TENM3: variants seen among roughly 807,000 people sequenced by gnomAD.
The protein encoded by TENM3 is teneurin transmembrane protein 3.
A neutral mutation model predicts 255.1 loss-of-function variants in TENM3; 63 were observed. The ratio of observed to expected loss-of-function variants is 0.25; its 90% CI spans 0.20 to 0.30. The LOEUF (loss-of-function observed/expected upper bound fraction) is 0.30, where lower values mean the gene tolerates loss of function less well. Ranked by LOEUF, TENM3 falls within the 10% of genes least tolerant of loss-of-function variation. The pLI is 1.00. For synonymous variants in TENM3, 1,306 were observed against 1,322.3 expected (o/e 0.99, Z 0.27); for missense variants, 2,929 against 3,461.1 (o/e 0.85, Z 3.86).
chr4:181,884,154 C>G, the TENM3 span, among the ~76,000 whole-genome samples: 2 of 152,126 alleles, frequency 1.3e-5, no homozygotes, highest in African/African-American at 4.8e-5. Flanking sequence ...ATGAAACTTT[C>G]TATCCCAGAA....
chr4:181,915,175 AG>A, the TENM3 span, among the ~76,000 whole-genome samples: 1 of 152,162 alleles, frequency 6.6e-6, no homozygotes, highest in Non-Finnish European at 1.5e-5. Context: ...CTGGGTTACT[AG>A]ATAAGTGAAG....
intron 1 of TENM3, among the ~76,000 whole-genome samples, chr4:182,320,202 A>G (rs1426754777): frequency 6.6e-6 from 1 of 152,156 alleles, no homozygotes; most frequent in Non-Finnish European, 1.5e-5. Flanking sequence ...GATAGCAAAT[A>G]GTTTAGACTT....
At chr4:182,539,735 A>G (rs1335970773) in intron 3 of TENM3, among the ~76,000 whole-genome samples, 1 of 152,228 alleles carries the variant, frequency 6.6e-6, no homozygotes, top group East Asian at 1.9e-4. Flanking sequence ...TCTATGTGTC[A>G]TGCACTGTTC....
At chr4:181,913,159 G>A in the TENM3 span, among the ~76,000 whole-genome samples, 14 of 152,108 alleles carry the variant, frequency 9.2e-5, no homozygotes, top group African/African-American at 3.1e-4. Context: ...GAACCAATGC[G>A]GGAATGAAAT....
chr4:182,346,175 C>G (rs1764794869), intron 2 of TENM3, among the ~76,000 whole-genome samples: 2 of 152,124 alleles, frequency 1.3e-5, no homozygotes, highest in Admixed American at 1.3e-4. Context: ...GACCAAGCTC[C>G]TGTTTCTACT....
chr4:182,659,434 A>G (rs1276497896), intron 6 of TENM3, among the ~76,000 whole-genome samples: 2 of 152,190 alleles, frequency 1.3e-5, no homozygotes, highest in Non-Finnish European at 2.9e-5. Context: ...GCATGGATGT[A>G]TAGGAAAAAA....
chr4:181,594,926 A>G, the TENM3 span, among the ~76,000 whole-genome samples: 2,872 of 152,198 alleles, frequency 0.019, 107 homozygotes, highest in African/African-American at 0.066. Flanking sequence ...GTACATGGCA[A>G]AATTTGATTC....
At chr4:181,606,327 C>T in the TENM3 span, among the ~76,000 whole-genome samples, 2 of 152,130 alleles carry the variant, frequency 1.3e-5, no homozygotes. Context: ...CCAACCAACC[C>T]AGCTTGCAAC....
intron 3 of TENM3, among the ~76,000 whole-genome samples, chr4:182,551,880 G>A (rs1742067326): frequency 6.6e-6 from 1 of 151,946 alleles, no homozygotes; most frequent in Non-Finnish European, 1.5e-5. Context: ...AGCCAGGCGT[G>A]GTAGTGCATG....
chr4:182,477,050 C>T (rs1178288348), intron 3 of TENM3, among the ~76,000 whole-genome samples: 1 of 152,164 alleles, frequency 6.6e-6, no homozygotes, highest in Admixed American at 6.5e-5. Context: ...ATTTTTACTT[C>T]AAATATTTAT....
At chr4:182,482,280 G>A (rs1477609568) in intron 3 of TENM3, among the ~76,000 whole-genome samples, 1 of 151,900 alleles carries the variant, frequency 6.6e-6, no homozygotes, top group Admixed American at 6.6e-5. Context: ...TTCAATTTAT[G>A]GTTCCTTTTC....
chr4:181,646,504 C>T, the TENM3 span, among the ~76,000 whole-genome samples: 1 of 152,154 alleles, frequency 6.6e-6, no homozygotes, highest in Admixed American at 6.6e-5. Context: ...GAGCATTCTT[C>T]TGCAGCTTAC....
At chr4:181,481,395 C>T in the TENM3 span, among the ~76,000 whole-genome samples, 5 of 152,026 alleles carry the variant, frequency 3.3e-5, no homozygotes, top group Non-Finnish European at 7.4e-5. Flanking sequence ...TTATCATTTC[C>T]GTTTGTCTGT....
At chr4:181,570,618 AGAAAGAAAG>A in the TENM3 span, among the ~76,000 whole-genome samples, 3 of 150,556 alleles carry the variant, frequency 2.0e-5, no homozygotes, top group Non-Finnish European at 4.4e-5. Flanking sequence ...AGAAAGAGAA[AGAAAGAAAG>A]GAAAGAAAGA....
In TENM3 at chr4:182,720,064, A is replaced by T. The variant is rs866559956; in HGVS notation, c.2368+5831A>T. 1.5e-4 allele frequency among the ~76,000 whole-genome samples: 23 copies of T among 149,398 alleles called. No individual in the cohort carries two copies. In the South Asian group the frequency reaches 3.3e-3, roughly 21 times the overall value. On this transcript the variant is annotated intron_variant, in intron 13 of 27. Transcript: ENST00000511685. ...ATGAAAGAGTGAGACCCTGTCTCTC[A>T]CACACACACACACACAAACAAACTG...
the TENM3 span, among the ~76,000 whole-genome samples, chr4:181,906,643 C>G: frequency 6.6e-6 from 1 of 152,104 alleles, no homozygotes; most frequent in African/African-American, 2.4e-5. Context: ...CCAATAGGGC[C>G]AAGCCATATT....
At position 182,278,405 on chromosome 4, in the gene TENM3, A is replaced by G. The variant is rs73003297; in HGVS notation, c.-76+34929A>G. Among the ~76,000 whole-genome samples the G allele has an allele frequency of 1.0e-3, 152 of 152,218 alleles. 1 individual carries two copies. Among genetic ancestry groups the G allele is most frequent in the African/African-American group, 3.5e-3 (146 of 41,556 alleles). The stretch of plus-strand genomic sequence containing the variant: ...AAAGAAAAAGAAAAAAAAGAAATGT[A>G]CTAGCTGGGTGAGCTGGGCAGCTTA... On this transcript the variant is annotated intron_variant, in intron 1 of 27. Transcript: ENST00000511685.
chr4:181,681,748 A>G, the TENM3 span, among the ~76,000 whole-genome samples: 1 of 133,362 alleles, frequency 7.5e-6, no homozygotes, highest in African/African-American at 3.2e-5. Flanking sequence ...AGACTCAGCT[A>G]TTTTTTTTTC....
chr4:181,933,596 A>G, the TENM3 span, among the ~76,000 whole-genome samples: 2 of 152,240 alleles, frequency 1.3e-5, no homozygotes, highest in African/African-American at 4.8e-5. Context: ...TAATAGGTCT[A>G]TCTAGCATCT....
Sources: allele counts gnomAD v4.1 joint callset (sites outside exome capture counted in the v4.1 genomes callset), GRCh38; gene constraint gnomAD v4.1.1; transcripts MANE v1.5; gene names NCBI Gene and HGNC (gene_info 2026-07-23, HGNC 2026-07-21).